The following WNK1 variants were observed in gnomAD, a reference collection of about 807,000 sequenced individuals.
The protein encoded by WNK1 is WNK lysine deficient protein kinase 1.
Under a neutral mutation model 222.8 loss-of-function variants are expected in WNK1, and 38 were observed. That is an observed-to-expected ratio of 0.17 (90% CI 0.13 to 0.22). The LOEUF is 0.22. WNK1 is among the 10% of genes least tolerant of loss of function. WNK1 has a pLI of 1.00. For missense variants in WNK1, 2,348 were observed against 2,918.4 expected, an observed-to-expected ratio of 0.80 and a Z score of 4.50; for synonymous variants, 1,090 against 1,092.9, an observed-to-expected ratio of 1.00 and a Z score of 0.05.
In WNK1 at chr12:896,886, CCACACACACACA is replaced by C. The variant is rs34202153; in HGVS notation, c.6245+196_6245+207del. On this transcript the variant is annotated intron_variant, in intron 24 of 27. Coordinates refer to ENST00000315939, the MANE Select transcript of WNK1 (RefSeq NM_018979.4). ...AGAAGCCCCACCCCATACCTCCCCA[CCACACACACACA>C]CACACACACACACACACACACACAC... Among the ~76,000 whole-genome samples, 29,985 of 133,992 alleles carry C rather than the reference CCACACACACACA, an allele frequency of 0.22. 3,826 individuals carry two copies. The highest frequency in any genetic ancestry group is 0.3 in the African/African-American group (10,195 of 33,876). 87.9% of individuals were successfully genotyped at this position (133,992 alleles called of 152,430 possible).
At chr12:854,155 C>A (rs117604168) in intron 4 of WNK1, among the ~76,000 whole-genome samples, 2,372 of 151,788 alleles carry the variant, frequency 0.016, 25 homozygotes, top group Non-Finnish European at 0.025. Flanking sequence ...ATCGGTTGAA[C>A]CCAGCAGTTC....
chr12:845,099 T>C (rs948198953), intron 4 of WNK1, among the ~76,000 whole-genome samples: 2 of 151,244 alleles, frequency 1.3e-5, no homozygotes, highest in African/African-American at 4.9e-5. Context: ...GTTTCACCGT[T>C]TTAGCCGGGA....
At chr12:774,011 G>C (rs1253130208) in intron 1 of WNK1, among the ~76,000 whole-genome samples, 1 of 152,074 alleles carries the variant, frequency 6.6e-6, no homozygotes, top group Non-Finnish European at 1.5e-5. Flanking sequence ...ACCTAATTGA[G>C]ATGGCCATTA....
chr12:896,923 C>CG (rs1199212153), intron 24 of WNK1, among the ~76,000 whole-genome samples, 191 bp downstream of exon 24: 9 of 104,300 alleles, frequency 8.6e-5, no homozygotes, highest in African/African-American at 2.8e-4. Flanking sequence ...CACACACACA[C>CG]ACACACACAC....
chr12:764,811 A>G (rs2153933736), intron 1 of WNK1, among the ~76,000 whole-genome samples: 1 of 147,362 alleles, frequency 6.8e-6, no homozygotes, highest in South Asian at 2.2e-4. Flanking sequence ...GTAATGCCCT[A>G]GATTTCTGCA....
At chr12:888,834 C>T (rs1028122156) in intron 20 of WNK1, among the ~76,000 whole-genome samples, 4 of 152,056 alleles carry the variant, frequency 2.6e-5, no homozygotes, top group Non-Finnish European at 4.4e-5. Flanking sequence ...TTTTAAAGGT[C>T]GCACAAATAA....
chr12:776,007 C>T (rs780623923), intron 1 of WNK1, among the ~76,000 whole-genome samples: 63 of 152,096 alleles, frequency 4.1e-4, no homozygotes, highest in African/African-American at 1.4e-3. Flanking sequence ...TTGTAGTGCA[C>T]GTTAAAACTA....
intron 2 of WNK1, among the ~76,000 whole-genome samples, chr12:823,114 TTC>T (rs1948040603): frequency 6.6e-6 from 1 of 152,218 alleles, no homozygotes; most frequent in African/African-American, 2.4e-5. Context: ...TCCCACTGCT[TTC>T]TGCCCTCTAT....
intron 4 of WNK1, among the ~76,000 whole-genome samples, chr12:848,821 A>C (rs1308163355): frequency 1.3e-5 from 2 of 152,154 alleles, no homozygotes; most frequent in Non-Finnish European, 2.9e-5. Context: ...AATATATTGA[A>C]AACTCTTATT....
rs546470175 is a variant in WNK1, at chr12:885,735, C to T, written c.4931C>T (p.Pro1644Leu). The T allele has an allele frequency of 6.8e-6, 11 of 1,614,154 alleles. No homozygotes were observed. In the East Asian group the frequency reaches 1.3e-4, roughly 20 times the overall value. ...HCPEVDSDTQPKAPGIDDIKT... is the reference protein window; with the variant it reads ...HCPEVDSDTQLKAPGIDDIKT... Reference sequence around the variant, plus strand: ...CCTGAAGTAGATTCTGATACACAACCCAAAGCTCCTGGAATTGATGACATA... The same window carrying T: ...CCTGAAGTAGATTCTGATACACAACTCAAAGCTCCTGGAATTGATGACATA... The change falls in exon 19 of 28, where the codon CCC becomes CTC. Residue 1644 changes from proline (P) to leucine (L), a missense_variant. Physicochemically the swap from Pro to Leu is moderately conservative, Grantham distance 98. Coordinates refer to ENST00000315939, the MANE Select transcript of WNK1 (RefSeq NM_018979.4).
At chr12:817,169 G>T (rs1947421742) in intron 2 of WNK1, among the ~76,000 whole-genome samples, 1 of 152,086 alleles carries the variant, frequency 6.6e-6, no homozygotes, top group African/African-American at 2.4e-5. Flanking sequence ...TGACATAGTA[G>T]TGAGAAGACC....
Position 908,592 on chromosome 12 carries a change from A to G in WNK1, c.6949A>G (p.Thr2317Ala), listed in dbSNP as rs750710650. ...ATCAGCTACCTCTCTAGGTCACTTCACCAAGTCTATGTGCCCCCCACAGCA... is the reference window on the plus strand; with the variant it reads ...ATCAGCTACCTCTCTAGGTCACTTCGCCAAGTCTATGTGCCCCCCACAGCA... Reference protein sequence around the residue: ...AASATSLGHFTKSMCPPQQYG... With the variant: ...AASATSLGHFAKSMCPPQQYG... The change falls in exon 28 of 28, where the codon ACC becomes GCC. Residue 2317 changes from threonine (T) to alanine (A), a missense_variant. This residue lies in a region of WNK1 where 76 missense variants were observed against 85.7 expected (regional missense o/e 0.89). Transcript: ENST00000315939. 1 of 1,614,002 alleles carries G rather than the reference A, an allele frequency of 6.2e-7. No individual in the cohort carries two copies.
intron 1 of WNK1, among the ~76,000 whole-genome samples, chr12:802,380 G>A (rs1338058554): frequency 6.6e-6 from 1 of 152,134 alleles, no homozygotes; most frequent in African/African-American, 2.4e-5. Flanking sequence ...CTAGAAACTG[G>A]CAACAGTACT....
At chr12:852,099 T>C (rs1950462594) in intron 4 of WNK1, among the ~76,000 whole-genome samples, 1 of 152,230 alleles carries the variant, frequency 6.6e-6, no homozygotes, top group Non-Finnish European at 1.5e-5. Context: ...TCTTAGGATC[T>C]GAAAGATTGC....
chr12:833,016 T>C (rs1227713130), intron 4 of WNK1, among the ~76,000 whole-genome samples: 1 of 150,260 alleles, frequency 6.7e-6, no homozygotes, highest in Non-Finnish European at 1.5e-5. Context: ...CATTCTCTCT[T>C]TTTTTTTTTC....
intron 4 of WNK1, among the ~76,000 whole-genome samples, chr12:831,782 T>A (rs1017945884): frequency 1.1e-4 from 17 of 152,062 alleles, no homozygotes; most frequent in African/African-American, 3.4e-4. Context: ...ATAGACAAAA[T>A]CCCTCTGAGG....
At chr12:860,224 G>T (rs983840530) in intron 6 of WNK1, among the ~76,000 whole-genome samples, 7 of 152,152 alleles carry the variant, frequency 4.6e-5, no homozygotes, top group African/African-American at 1.7e-4. Context: ...CAGTTATCTG[G>T]ATGAACTCTA....
chr12:848,572 C>T (rs1206985695), intron 4 of WNK1, among the ~76,000 whole-genome samples: 1 of 128,064 alleles, frequency 7.8e-6, no homozygotes, highest in East Asian at 2.7e-4. Flanking sequence ...GTCACAAAAC[C>T]ATTTCCCAGT....
chr12:849,283 G>T (rs1415080866), intron 4 of WNK1, among the ~76,000 whole-genome samples: 2 of 152,120 alleles, frequency 1.3e-5, no homozygotes, highest in Non-Finnish European at 2.9e-5. Flanking sequence ...GTTGGTAATT[G>T]AAGCCTTAGC....
Sources: allele counts gnomAD v4.1 joint callset (sites outside exome capture counted in the v4.1 genomes callset), GRCh38; gene constraint gnomAD v4.1.1; regional missense constraint gnomAD v4.1.1; transcripts MANE v1.5; gene names NCBI Gene and HGNC (gene_info 2026-07-23, HGNC 2026-07-21).